PCNX1: variants seen among roughly 807,000 people sequenced by gnomAD.
The protein encoded by PCNX1 is pecanex-like protein 1.
Under a neutral mutation model 242.2 loss-of-function variants are expected in PCNX1, and 78 were observed. The ratio of observed to expected loss-of-function variants is 0.32; its 90% confidence interval spans 0.27 to 0.39. The LOEUF (loss-of-function observed/expected upper bound fraction) is 0.39, where lower values mean the gene tolerates loss of function less well. Among genes scored for constraint, PCNX1 ranks in the 10% least tolerant of loss-of-function variants. PCNX1 has a pLI of 1.00. For synonymous variants in PCNX1, 1,024 were observed against 1,032.9 expected (o/e 0.99, Z 0.17); for missense variants, 2,581 against 2,856.5 (o/e 0.90, Z 2.20).
chr14:71,004,933 T>C lies in PCNX1; in HGVS notation c.2630-4701T>C, dbSNP rs377464403. 3.6e-3 allele frequency among the ~76,000 whole-genome samples: 551 copies of C among 152,330 alleles called. 1 individual carries two copies. The highest frequency in any genetic ancestry group is 0.013 in the African/African-American group (534 of 41,566). On this transcript the variant is annotated intron_variant, in intron 8 of 35. Transcript: ENST00000304743. Reference sequence around the variant, plus strand: ...TCACTTTATACATTTACTGCCCATATATCTCTCTTTGTTTTTATAGCCCCT... The same window carrying C: ...TCACTTTATACATTTACTGCCCATACATCTCTCTTTGTTTTTATAGCCCCT...
In PCNX1 at chr14:70,979,366, A is replaced by C. The variant is rs570032901; in HGVS notation, c.2311+718A>C. ...GCTTATTTATTTCAGGTTTTTGGAGAATTGTGCAAATTTGGATAGGTGATT... is the reference window on the plus strand; with the variant it reads ...GCTTATTTATTTCAGGTTTTTGGAGCATTGTGCAAATTTGGATAGGTGATT... On this transcript the variant is annotated intron_variant, in intron 6 of 35. Coordinates refer to ENST00000304743, the MANE Select transcript of PCNX1 (RefSeq NM_014982.3). Among the ~76,000 whole-genome samples, 4 of 152,110 alleles carry C rather than the reference A, an allele frequency of 2.6e-5. No individual in the cohort carries two copies. The South Asian group carries it at 8.3e-4, about 32-fold the overall frequency.
intron 5 of PCNX1, among the ~76,000 whole-genome samples, chr14:70,976,465 T>G (rs1189278678): frequency 6.6e-6 from 1 of 150,940 alleles, no homozygotes; most frequent in Non-Finnish European, 1.5e-5. Context: ...CTCCGCCTCC[T>G]GGGTTCACAC....
At chr14:71,080,055 G>T (rs948873128) in intron 28 of PCNX1, among the ~76,000 whole-genome samples, 1 of 152,164 alleles carries the variant, frequency 6.6e-6, no homozygotes, top group Non-Finnish European at 1.5e-5. Flanking sequence ...TGTATAAGGT[G>T]TAAGGAAGGG....
chr14:71,001,997 C>G (rs1207808088), intron 8 of PCNX1, among the ~76,000 whole-genome samples: 2 of 152,176 alleles, frequency 1.3e-5, no homozygotes, highest in Non-Finnish European at 1.5e-5. Flanking sequence ...TTCGTTTTCT[C>G]CCACCTTTCA....
chr14:70,940,931 G>A (rs374451747), intron 1 of PCNX1, among the ~76,000 whole-genome samples: 2 of 152,098 alleles, frequency 1.3e-5, no homozygotes, highest in South Asian at 2.1e-4. Flanking sequence ...ACTGAAGGTT[G>A]TGCATGCATC....
chr14:71,003,663 G>C (rs2059575604), intron 8 of PCNX1, among the ~76,000 whole-genome samples: 1 of 152,158 alleles, frequency 6.6e-6, no homozygotes, highest in Non-Finnish European at 1.5e-5. Context: ...AGCTGATTTG[G>C]GGATTAGCAA....
intron 11 of PCNX1, 65 bp downstream of exon 11, chr14:71,013,267 T>C: frequency 8.1e-7 from 1 of 1,234,160 alleles, no homozygotes; most frequent in Non-Finnish European, 1.2e-6. Flanking sequence ...GTGTCTTTAA[T>C]TACCCACTGA....
chr14:70,944,854 G>A (rs998606716), intron 1 of PCNX1, among the ~76,000 whole-genome samples: 7 of 152,286 alleles, frequency 4.6e-5, no homozygotes, highest in Non-Finnish European at 5.9e-5. Context: ...GGGCTTCCCC[G>A]TTCGCTTGGT....
At chr14:70,944,953 T>G (rs1374067538) in intron 1 of PCNX1, among the ~76,000 whole-genome samples, 1 of 152,240 alleles carries the variant, frequency 6.6e-6, no homozygotes, top group East Asian at 1.9e-4. Context: ...TGTGGAACTG[T>G]GAGTCAATTA....
In PCNX1 at chr14:71,026,782, C is replaced by A; in HGVS notation, c.3366C>A (p.Leu1122=). The A allele has an allele frequency of 6.9e-7, 1 of 1,455,528 alleles. No individual in the cohort carries two copies. Among genetic ancestry groups the A allele is most frequent in the Non-Finnish European group, 9.6e-7 (1 of 1,038,552 alleles). 90.2% of individuals were successfully genotyped at this position (1,455,528 alleles called of 1,614,324 possible). ...SARDLVIVFT[L]CFPIVFFIGL... ...TCTTTCTTTTTATAGTGTTTACACTCTGTTTCCCAATAGTGTTTTTCATTG... is the reference window on the plus strand; with the variant it reads ...TCTTTCTTTTTATAGTGTTTACACTATGTTTCCCAATAGTGTTTTTCATTG... The change falls in exon 15 of 36, where the codon CTC becomes CTA. Residue 1122 remains leucine, a synonymous_variant. Transcript: ENST00000304743.
At chr14:70,989,534 ATTTTTT>A (rs34767376) in intron 7 of PCNX1, among the ~76,000 whole-genome samples, 1 of 126,348 alleles carries the variant, frequency 7.9e-6, no homozygotes, top group South Asian at 2.5e-4. Flanking sequence ...ACAGATATAA[ATTTTTT>A]TTTTTTTTTT....
intron 26 of PCNX1, 88 bp downstream of exon 26, chr14:71,057,812 A>G (rs76769553): frequency 0.047 from 41,408 of 873,580 alleles, 1,166 homozygotes; most frequent in Non-Finnish European, 0.057. Context: ...AGAAGTTGTC[A>G]TAGAATTAGA....
intron 35 of PCNX1, 59 bp from the exon 36 acceptor site, chr14:71,109,736 G>A: frequency 1.9e-6 from 3 of 1,592,428 alleles, no homozygotes; most frequent in Non-Finnish European, 2.6e-6. Context: ...AGGGGTAAGA[G>A]TTTGTGAGTA....
At chr14:71,018,965 C>G (rs2060026203) in intron 11 of PCNX1, 44 bp from the exon 12 acceptor site, 1 of 1,508,060 alleles carries the variant, frequency 6.6e-7, no homozygotes, top group Non-Finnish European at 9.0e-7. Context: ...TGGTTAATTT[C>G]TTATACTTAA....
In PCNX1 at chr14:70,971,318, G is replaced by T. The variant is rs1272159354; in HGVS notation, c.604+2208G>T. Among the ~76,000 whole-genome samples, 2 of 48,644 alleles carry T rather than the reference G, an allele frequency of 4.1e-5. 1 individual carries two copies. Among genetic ancestry groups the T allele is most frequent in the East Asian group, 9.9e-4 (2 of 2,020 alleles). The allele number at this position is 48,644 out of a possible 152,430, so 31.9% of individuals were successfully genotyped here. A position where few individuals can be genotyped will look rare whatever the true frequency, so the allele number is the denominator to read the frequency against. On this transcript the variant is annotated intron_variant, in intron 5 of 35. Coordinates refer to ENST00000304743, the MANE Select transcript of PCNX1 (RefSeq NM_014982.3). Reference sequence around the variant, plus strand: ...CGCCACCGCGCCCGGCTAATTTTTTGTATTTTTAGTAGAGACGGGGTTTCA... The same window carrying T: ...CGCCACCGCGCCCGGCTAATTTTTTTTATTTTTAGTAGAGACGGGGTTTCA...
chr14:71,096,112 G>A (rs2062272029), intron 30 of PCNX1, among the ~76,000 whole-genome samples: 1 of 152,184 alleles, frequency 6.6e-6, no homozygotes, highest in Admixed American at 6.5e-5. Flanking sequence ...GAGGTCAGGA[G>A]ATCGAGACCA....
At chr14:71,049,110 G>C (rs914433233) in intron 22 of PCNX1, 65 of 901,216 alleles carry the variant, frequency 7.2e-5, no homozygotes, top group Non-Finnish European at 8.6e-5. Context: ...ATCTTATACT[G>C]GTTGGAAAAA....
intron 8 of PCNX1, among the ~76,000 whole-genome samples, chr14:70,997,653 G>A (rs918994762): frequency 4.6e-5 from 7 of 152,046 alleles, no homozygotes; most frequent in South Asian, 2.1e-4. Flanking sequence ...ACTAGGTCTC[G>A]CTCTATCGTA....
chr14:71,033,018 A>T (rs550097932), intron 16 of PCNX1, among the ~76,000 whole-genome samples: 1 of 152,320 alleles, frequency 6.6e-6, no homozygotes, highest in Admixed American at 6.5e-5. Context: ...CTAATATATC[A>T]TGTGTTGTCT....
Sources: allele counts gnomAD v4.1 joint callset (sites outside exome capture counted in the v4.1 genomes callset), GRCh38; gene constraint gnomAD v4.1.1; transcripts MANE v1.5; gene names NCBI Gene and HGNC (gene_info 2026-07-23, HGNC 2026-07-21).